The following PRMT3 variants were observed in gnomAD, a reference collection of about 807,000 sequenced individuals.
PRMT3 encodes the protein protein arginine methyltransferase 3, also known as protein arginine N-methyltransferase 3.
Under a neutral mutation model 71.9 loss-of-function variants are expected in PRMT3, and 62 were observed. That is an observed-to-expected ratio of 0.86 (90% confidence interval 0.70 to 1.07). PRMT3 has a LOEUF of 1.07. Among genes scored for constraint, PRMT3 ranks in the 50% least tolerant of loss-of-function variants. The probability of loss-of-function intolerance (pLI) is 0.00; values close to 1 mark genes in which losing one functional copy is unlikely to be tolerated. For missense variants in PRMT3, 663 were observed against 643.0 expected (o/e 1.03, Z -0.34); for synonymous variants, 213 against 220.4 (o/e 0.97, Z 0.30).
At chr11:20,492,847 A>G (rs1198177954) in intron 13 of PRMT3, among the ~76,000 whole-genome samples, 1 of 152,224 alleles carries the variant, frequency 6.6e-6, no homozygotes, top group Non-Finnish European at 1.5e-5. Context: ...TCGCAAGGTC[A>G]GGAGTTCGAG....
intron 9 of PRMT3, among the ~76,000 whole-genome samples, chr11:20,417,373 C>T (rs576338352): frequency 6.6e-6 from 1 of 152,244 alleles, no homozygotes; most frequent in East Asian, 1.9e-4. Flanking sequence ...TTCCTTTCTT[C>T]TCCCCCATAA....
At chr11:20,434,745 C>T (rs1849726019) in intron 10 of PRMT3, among the ~76,000 whole-genome samples, 2 of 152,124 alleles carry the variant, frequency 1.3e-5, no homozygotes, top group South Asian at 4.1e-4. Flanking sequence ...GTCTATGTGT[C>T]TGTTTTTGTA....
intron 13 of PRMT3, among the ~76,000 whole-genome samples, chr11:20,464,830 T>C (rs1850470601): frequency 6.6e-6 from 1 of 152,194 alleles, no homozygotes; most frequent in Admixed American, 6.5e-5. Flanking sequence ...AGCACTCAAC[T>C]TTATCTTCAA....
chr11:20,406,266 ATTG>A lies in PRMT3; in HGVS notation c.772-1642_772-1640del, dbSNP rs760764660. The A allele has an allele frequency of 7.2e-4, 110 of 152,224 alleles. 4 individuals are homozygous for A. Among genetic ancestry groups the A allele is most frequent in the Non-Finnish European group, 1.9e-4 (13 of 68,038 alleles). 9.4% of individuals were successfully genotyped at this position (152,224 alleles called of 1,614,324 possible). A position where few individuals can be genotyped will look rare whatever the true frequency, so the allele number is the denominator to read the frequency against. On this transcript the variant is annotated intron_variant, in intron 8 of 15. Transcript: ENST00000331079. ...GCTATATAAATAGTTGTTATGCTGT[ATTG>A]TTTAGAACCGTGACAAGAGAAAGAA...
Position 20,501,782 on chromosome 11 carries a change from C to A in PRMT3, c.1487-6522C>A, listed in dbSNP as rs3758806. ...ACAATTCATGTACAGTTTTATTGTA[C>A]AAACTTTTATTGTAAGTAAATATGG... On this transcript the variant is annotated intron_variant, in intron 15 of 15. Transcript: ENST00000331079. 5.2e-4 allele frequency among the ~76,000 whole-genome samples: 79 copies of A among 152,204 alleles called. 1 individual carries two copies. The East Asian group carries it at 0.015, about 28-fold the overall frequency.
At position 20,441,644 on chromosome 11, in the gene PRMT3, A is replaced by G. The variant is rs368466795; in HGVS notation, c.994-10486A>G. On this transcript the variant is annotated intron_variant, in intron 10 of 15. Transcript: ENST00000331079. ...TTTAAATATAAAAAGTCACAAATCT[A>G]CACTCATATTTTCCGTGTAAGATTA... Among the ~76,000 whole-genome samples, 21 of 152,104 alleles carry G rather than the reference A, an allele frequency of 1.4e-4. No individual in the cohort carries two copies. In the East Asian group the frequency reaches 2.3e-3, roughly 17 times the overall value.
chr11:20,389,355 T>A (rs931205220), intron 2 of PRMT3, among the ~76,000 whole-genome samples: 1 of 152,226 alleles, frequency 6.6e-6, no homozygotes, highest in African/African-American at 2.4e-5. Flanking sequence ...CTGTGCCAGT[T>A]CAAAGCCTCT....
chr11:20,480,906 G>T (rs543103258), intron 13 of PRMT3, among the ~76,000 whole-genome samples: 1 of 152,112 alleles, frequency 6.6e-6, no homozygotes, highest in Non-Finnish European at 1.5e-5. Flanking sequence ...TTATTAGTAC[G>T]TTGAATTTCA....
At chr11:20,470,257 A>C (rs979622349) in intron 13 of PRMT3, among the ~76,000 whole-genome samples, 15 of 152,136 alleles carry the variant, frequency 9.9e-5, no homozygotes, top group Non-Finnish European at 1.3e-4. Flanking sequence ...TCACCTTTTC[A>C]GTTCTGGGGT....
At chr11:20,507,242 C>T (rs1276455012) in intron 15 of PRMT3, among the ~76,000 whole-genome samples, 1 of 152,202 alleles carries the variant, frequency 6.6e-6, no homozygotes, top group Non-Finnish European at 1.5e-5. Flanking sequence ...ACCTCCAGCA[C>T]ACTTTAGACA....
chr11:20,418,516 A>G (rs1233246417), intron 9 of PRMT3, among the ~76,000 whole-genome samples: 1 of 152,224 alleles, frequency 6.6e-6, no homozygotes, highest in Non-Finnish European at 1.5e-5. Context: ...TTCTGATACA[A>G]ATAGGTTTAT....
chr11:20,425,606 A>G (rs1849529343), intron 9 of PRMT3, among the ~76,000 whole-genome samples: 1 of 152,188 alleles, frequency 6.6e-6, no homozygotes, highest in African/African-American at 2.4e-5. Context: ...AAAAGCATAC[A>G]TGAAACTAAA....
intron 5 of PRMT3, among the ~76,000 whole-genome samples, chr11:20,394,273 C>T (rs571276898): frequency 2.0e-5 from 3 of 152,260 alleles, no homozygotes; most frequent in Admixed American, 6.5e-5. Context: ...TCACTAACTA[C>T]ATATATTAAC....
chr11:20,431,409 C>A (rs1305525545), intron 10 of PRMT3, among the ~76,000 whole-genome samples: 1 of 152,054 alleles, frequency 6.6e-6, no homozygotes, highest in Non-Finnish European at 1.5e-5. Context: ...ATGCAAATTT[C>A]TTAGAACAGT....
chr11:20,487,059 GA>G (rs11355307), intron 13 of PRMT3, among the ~76,000 whole-genome samples: 115,738 of 144,912 alleles, frequency 0.8, 46,847 homozygotes, highest in Non-Finnish European at 0.9. Context: ...TCCATCTCAA[GA>G]AAAAAAAAAA....
intron 10 of PRMT3, among the ~76,000 whole-genome samples, chr11:20,430,198 A>G (rs972572441): frequency 8.5e-5 from 13 of 152,176 alleles, no homozygotes; most frequent in Non-Finnish European, 1.5e-5. Flanking sequence ...ATCTAGAATG[A>G]ACCATAGTTA....
chr11:20,392,846 A>AT, intron 4 of PRMT3, 51 bp from the exon 5 acceptor site: 1 of 1,170,240 alleles, frequency 8.5e-7, no homozygotes, highest in African/African-American at 1.5e-5. Context: ...TACTAAGGGG[A>AT]TTTTGTGATT....
At chr11:20,470,497 G>C (rs1408391927) in intron 13 of PRMT3, among the ~76,000 whole-genome samples, 1 of 152,122 alleles carries the variant, frequency 6.6e-6, no homozygotes, top group African/African-American at 2.4e-5. Context: ...TTGATTTTCT[G>C]TTCCTGCATT....
At chr11:20,461,376 A>G (rs560372143) in intron 11 of PRMT3, among the ~76,000 whole-genome samples, 148 of 152,280 alleles carry the variant, frequency 9.7e-4, no homozygotes, top group South Asian at 4.3e-3. Context: ...AGTATTTATT[A>G]CCTCACAAAT....
Sources: allele counts gnomAD v4.1 joint callset (sites outside exome capture counted in the v4.1 genomes callset), GRCh38; gene constraint gnomAD v4.1.1; transcripts MANE v1.5; gene names NCBI Gene and HGNC (gene_info 2026-07-23, HGNC 2026-07-21).